The following MVB12B variants were observed in gnomAD, a reference collection of about 807,000 sequenced individuals.
The protein encoded by MVB12B is ESCRT-I complex subunit MVB12B.
In MVB12B, 16 loss-of-function variants were observed where a neutral mutation model predicts 41.6. The ratio of observed to expected loss-of-function variants is 0.38; its 90% CI spans 0.26 to 0.58. The LOEUF (loss-of-function observed/expected upper bound fraction) is 0.58. MVB12B is among the 20% of genes least tolerant of loss of function. MVB12B has a pLI of 0.62. For missense variants in MVB12B, 274 were observed against 380.2 expected (o/e 0.72, Z 2.32); for synonymous variants, 133 against 139.7 (o/e 0.95, Z 0.34).
intron 6 of MVB12B, among the ~76,000 whole-genome samples, chr9:126,402,346 G>A (rs544569027): frequency 2.4e-4 from 37 of 152,210 alleles, no homozygotes; most frequent in African/African-American, 8.9e-4. Context: ...CATCAAAAGA[G>A]GGCTTGGGGC....
intron 7 of MVB12B, among the ~76,000 whole-genome samples, chr9:126,460,915 C>A (rs1432727410): frequency 1.3e-5 from 2 of 152,190 alleles, no homozygotes; most frequent in East Asian, 1.9e-4. Flanking sequence ...TCAGTCAATA[C>A]ACAGAAAGCC....
rs1834046502 is a variant in MVB12B, at chr9:126,505,509, G to A, written c.*2246G>A. On this transcript the variant is annotated 3_prime_UTR_variant, in exon 10 of 10. Coordinates refer to ENST00000361171, the MANE Select transcript of MVB12B (RefSeq NM_033446.3). ...TTACGGACTTAGCATAAGAGTAAAT[G>A]ACTGTGAACGTTGTAGTAAACGGCA... 1 of 152,276 alleles carries A rather than the reference G, an allele frequency of 6.6e-6. No individual in the cohort carries two copies. Among genetic ancestry groups the A allele is most frequent in the South Asian group, 2.1e-4 (1 of 4,838 alleles). 9.4% of individuals were successfully genotyped at this position (152,276 alleles called of 1,614,324 possible).
chr9:126,366,761 C>G (rs78458055), intron 2 of MVB12B, among the ~76,000 whole-genome samples: 1 of 152,124 alleles, frequency 6.6e-6, no homozygotes, highest in Admixed American at 6.5e-5. Flanking sequence ...GCCTCCTGCA[C>G]TGAGCATTCT....
intron 9 of MVB12B, among the ~76,000 whole-genome samples, chr9:126,494,726 A>T (rs1253359296): frequency 6.6e-6 from 1 of 152,074 alleles, no homozygotes; most frequent in Non-Finnish European, 1.5e-5. Flanking sequence ...CTCATTTTCC[A>T]CCCAGTAACC....
Position 126,386,810 on chromosome 9 carries a change from T to G in MVB12B, c.409+152T>G. 1.6e-6 allele frequency: 1 copy of G among 623,236 alleles called. No homozygotes were observed. The highest frequency in any genetic ancestry group is 1.9e-5 in the South Asian group (1 of 52,290). The allele number at this position is 623,236 out of a possible 1,614,324, so 38.6% of individuals were successfully genotyped here. A position where few individuals can be genotyped will look rare whatever the true frequency, so the allele number is the denominator to read the frequency against. On this transcript the variant is annotated intron_variant, in intron 4 of 9. Coordinates refer to ENST00000361171, the MANE Select transcript of MVB12B (RefSeq NM_033446.3). The surrounding 1 kb of genome is among the most constrained non-coding windows in gnomAD (Gnocchi z 4.3). ...CAAACCCTGCTGCTTTTGATGTGTG[T>G]CTGGCTGGGTTCTCCAAGGAGTTTG... is the stretch of plus-strand genomic sequence containing the variant.
chr9:126,388,981 A>T (rs928736405), intron 4 of MVB12B, among the ~76,000 whole-genome samples: 1 of 152,240 alleles, frequency 6.6e-6, no homozygotes, highest in Non-Finnish European at 1.5e-5. Flanking sequence ...CTGTGGAGCC[A>T]CAATGGGTTT....
Position 126,481,368 on chromosome 9 carries a change from G to A in MVB12B, c.758-1G>A. 6.2e-7 allele frequency: 1 copy of A among 1,612,682 alleles called. No homozygotes were observed. Among genetic ancestry groups the A allele is most frequent in the Non-Finnish European group, 8.5e-7 (1 of 1,179,018 alleles). On this transcript the variant is annotated splice_acceptor_variant, in intron 7 of 9. Coordinates refer to ENST00000361171, the MANE Select transcript of MVB12B (RefSeq NM_033446.3). LOFTEE classifies it high-confidence loss of function. ...CCATCTTTTTTTTTCTTCTTTTGCAGCAATGGATGGTGTGCCTTTTATGAT... is the reference window on the plus strand; with the variant it reads ...CCATCTTTTTTTTTCTTCTTTTGCAACAATGGATGGTGTGCCTTTTATGAT...
intron 2 of MVB12B, among the ~76,000 whole-genome samples, chr9:126,351,965 T>G (rs1233772892): frequency 6.6e-6 from 1 of 152,198 alleles, no homozygotes; most frequent in East Asian, 1.9e-4. Context: ...ATTTTTTTTT[T>G]CCTTTAAAGC....
intron 9 of MVB12B, among the ~76,000 whole-genome samples, chr9:126,484,350 A>G (rs1243910688): frequency 6.6e-6 from 1 of 152,238 alleles, no homozygotes; most frequent in Non-Finnish European, 1.5e-5. Flanking sequence ...AGGTTGGAGG[A>G]CAGGCACCAG....
At chr9:126,440,136 G>A (rs1245106674) in intron 7 of MVB12B, among the ~76,000 whole-genome samples, 6 of 152,148 alleles carry the variant, frequency 3.9e-5, no homozygotes, top group African/African-American at 1.4e-4. Flanking sequence ...GGGTCAGCGC[G>A]AGCCCCTTGC....
At chr9:126,387,008 C>T (rs1004200510) in intron 4 of MVB12B, among the ~76,000 whole-genome samples, 5 of 151,906 alleles carry the variant, frequency 3.3e-5, no homozygotes, top group South Asian at 2.1e-4. Context: ...CAGAAGGAAG[C>T]GGAAAGAAAA....
intron 2 of MVB12B, among the ~76,000 whole-genome samples, chr9:126,364,002 A>G (rs1444494388): frequency 2.0e-5 from 3 of 152,166 alleles, no homozygotes; most frequent in Admixed American, 1.3e-4. Flanking sequence ...TGCCTTTCGC[A>G]TAGCTGTACC....
At position 126,468,407 on chromosome 9, in the gene MVB12B, C is replaced by T. The variant is rs907689098; in HGVS notation, c.758-12962C>T. Among the ~76,000 whole-genome samples, 2 of 152,192 alleles carry T rather than the reference C, an allele frequency of 1.3e-5. No homozygotes were observed. Among genetic ancestry groups the T allele is most frequent in the Non-Finnish European group, 2.9e-5 (2 of 68,036 alleles). ...CCCCTCAAACCAGACACATGCTCAG[C>T]GGGACCCACGAGTTCATCTCTGCTG... On this transcript the variant is annotated intron_variant, in intron 7 of 9. Coordinates refer to ENST00000361171, the MANE Select transcript of MVB12B (RefSeq NM_033446.3). This position sits in a 1 kb window ranked among gnomAD's most constrained non-coding sequence, Gnocchi z 4.3.
rs1166308762 is a variant in MVB12B at position 126,369,261 on chromosome 9, G to A, written c.205-11803G>A. Reference sequence around the variant, plus strand: ...TGTCTGTAGCAACTCCATTCCTTATGCACATTTGTGAGATTTGAAATAAAA... The same window carrying A: ...TGTCTGTAGCAACTCCATTCCTTATACACATTTGTGAGATTTGAAATAAAA... On this transcript the variant is annotated intron_variant, in intron 2 of 9. Transcript: ENST00000361171. Among the ~76,000 whole-genome samples the A allele has an allele frequency of 3.3e-5, 5 of 152,286 alleles. 1 individual carries two copies. Among genetic ancestry groups the A allele is most frequent in the Admixed American group, 3.3e-4 (5 of 15,296 alleles).
intron 2 of MVB12B, among the ~76,000 whole-genome samples, chr9:126,362,336 AG>A (rs1256128972): frequency 1.3e-5 from 2 of 152,226 alleles, no homozygotes; most frequent in Non-Finnish European, 2.9e-5. Flanking sequence ...AGAGAAAAGG[AG>A]GGAGAGATGT....
rs3052884 is a variant in MVB12B, at chr9:126,468,164, C to CCG, written c.758-13205_758-13204insCG. The stretch of plus-strand genomic sequence containing the variant: ...ACGTTAACATTCCTCAGCTCTGTCC[C>CCG]AGGTCTGCCTCTCTCACCATGTTCC... On this transcript the variant is annotated intron_variant, in intron 7 of 9. Transcript: ENST00000361171. This position sits in a 1 kb window ranked among gnomAD's most constrained non-coding sequence, Gnocchi z 4.3. Among the ~76,000 whole-genome samples, 10 of 152,190 alleles carry CCG rather than the reference C, an allele frequency of 6.6e-5. No individual in the cohort carries two copies. The highest frequency in any genetic ancestry group is 3.3e-4 in the Admixed American group (5 of 15,276).
At chr9:126,419,405 A>G (rs909439090) in intron 6 of MVB12B, among the ~76,000 whole-genome samples, 8 of 152,262 alleles carry the variant, frequency 5.3e-5, no homozygotes, top group South Asian at 2.1e-4. Flanking sequence ...CCATCTTGAA[A>G]TTCTTGATAG....
chr9:126,337,157 C>T (rs546194505), intron 1 of MVB12B, among the ~76,000 whole-genome samples: 1 of 152,140 alleles, frequency 6.6e-6, no homozygotes, highest in Non-Finnish European at 1.5e-5. Context: ...CACAAGTTTC[C>T]CCATTTTGCT....
chr9:126,450,639 T>TA (rs1471656614), intron 7 of MVB12B, among the ~76,000 whole-genome samples: 1 of 152,234 alleles, frequency 6.6e-6, no homozygotes, highest in African/African-American at 2.4e-5. Flanking sequence ...AACACTCACT[T>TA]ACCTAGCATT....
Sources: allele counts gnomAD v4.1 joint callset (sites outside exome capture counted in the v4.1 genomes callset), GRCh38; gene constraint gnomAD v4.1.1; non-coding constraint Gnocchi (gnomAD v3.1); transcripts MANE v1.5; gene names NCBI Gene and HGNC (gene_info 2026-07-23, HGNC 2026-07-21).